The following CNTRL variants were observed in gnomAD, a reference collection of about 807,000 sequenced individuals.
CNTRL encodes 110 kDa centrosomal protein.
In CNTRL, 233 loss-of-function variants were observed where a neutral mutation model predicts 303.7. That is an observed-to-expected ratio of 0.77 (90% CI 0.69 to 0.86). CNTRL has a LOEUF of 0.86. Ranked by LOEUF, CNTRL falls within the 40% of genes least tolerant of loss-of-function variation. CNTRL has a pLI of 0.00. For synonymous variants in CNTRL, 900 were observed against 922.2 expected, an observed-to-expected ratio of 0.98 and a Z score of 0.44; for missense variants, 2,524 against 2,650.6, an observed-to-expected ratio of 0.95 and a Z score of 1.05.
In CNTRL at chr9:121,158,861, A is replaced by G. The variant is rs1386996632; in HGVS notation, c.4771A>G (p.Ser1591Gly). 1 of 1,613,936 alleles carries G rather than the reference A, an allele frequency of 6.2e-7. No individual in the cohort carries two copies. The highest frequency in any genetic ancestry group is 1.3e-5 in the African/African-American group (1 of 74,916). Reference protein sequence around the residue: ...ELEKLKSQVTSQQQEMAVLDR... With the variant: ...ELEKLKSQVTGQQQEMAVLDR... ...TCCCTTTTCTTTAATACAGGTGACA[A>G]GTCAGCAGCAGGAGATGGCTGTCTT... The change falls in exon 31 of 44, where the codon AGT becomes GGT. Residue 1591 changes from serine (S) to glycine (G), a missense_variant. Physicochemically the swap from Ser to Gly is moderately conservative, Grantham distance 56. Coordinates refer to ENST00000373855, the MANE Select transcript of CNTRL (RefSeq NM_007018.6).
rs2053139509 is a variant in CNTRL, at chr9:121,167,420, G to A, written c.5656-69G>A. On this transcript the variant is annotated intron_variant, in intron 36 of 43. Coordinates refer to ENST00000373855, the MANE Select transcript of CNTRL (RefSeq NM_007018.6). ...CGTTCTGTCAGACTTAGTAGATACT[G>A]GATTGGCACTGACCACCTCTAGTAA... is the stretch of plus-strand genomic sequence containing the variant. 3 of 1,277,756 alleles carry A rather than the reference G, an allele frequency of 2.3e-6. No homozygotes were observed. In the Admixed American group the frequency reaches 6.8e-5, roughly 29 times the overall value. The allele number at this position is 1,277,756 out of a possible 1,614,324, so 79.2% of individuals were successfully genotyped here.
chr9:121,105,006 G>A (rs966589044), intron 7 of CNTRL, among the ~76,000 whole-genome samples: 1 of 152,116 alleles, frequency 6.6e-6, no homozygotes, highest in Non-Finnish European at 1.5e-5. Context: ...CACCATGCCC[G>A]GCTGCCATTG....
At chr9:121,105,854 A>G (rs1020441005) in intron 7 of CNTRL, among the ~76,000 whole-genome samples, 2 of 152,188 alleles carry the variant, frequency 1.3e-5, no homozygotes, top group Non-Finnish European at 2.9e-5. Context: ...GGAGAGAGAC[A>G]TTTGGCTGGA....
chr9:121,142,418 G>A (rs1045885761), intron 19 of CNTRL, 148 bp downstream of exon 19: 46 of 543,316 alleles, frequency 8.5e-5, no homozygotes, highest in African/African-American at 8.3e-4. Context: ...GGTGGGACCT[G>A]GATGCATGTC....
chr9:121,108,081 A>T, intron 8 of CNTRL, 86 bp downstream of exon 8: 1 of 826,624 alleles, frequency 1.2e-6, no homozygotes, highest in Non-Finnish European at 1.8e-6. Flanking sequence ...CAACTTCCTG[A>T]CCATATAATG....
chr9:121,140,334 G>A (rs1284422035), intron 16 of CNTRL, among the ~76,000 whole-genome samples: 1 of 152,186 alleles, frequency 6.6e-6, no homozygotes, highest in Non-Finnish European at 1.5e-5. Context: ...CTATGGCCAG[G>A]ATTAGATAGT....
At chr9:121,101,170 T>C (rs1471649595) in intron 7 of CNTRL, among the ~76,000 whole-genome samples, 1 of 152,152 alleles carries the variant, frequency 6.6e-6, no homozygotes, top group Non-Finnish European at 1.5e-5. Flanking sequence ...CCTCAGCAAA[T>C]GTAAAAGAAC....
At chr9:121,120,088 C>T (rs1174619404) in intron 12 of CNTRL, among the ~76,000 whole-genome samples, 2 of 151,782 alleles carry the variant, frequency 1.3e-5, no homozygotes, top group Non-Finnish European at 2.9e-5. Flanking sequence ...ATATCTTCTA[C>T]ATATTCTCCT....
At chr9:121,078,374 C>T (rs2048011374) in intron 1 of CNTRL, among the ~76,000 whole-genome samples, 1 of 152,190 alleles carries the variant, frequency 6.6e-6, no homozygotes, top group Admixed American at 6.5e-5. Context: ...CACCACCGCA[C>T]TCCAGCCTGG....
intron 14 of CNTRL, among the ~76,000 whole-genome samples, chr9:121,132,774 C>T (rs2050942952): frequency 6.6e-6 from 1 of 152,186 alleles, no homozygotes; most frequent in Non-Finnish European, 1.5e-5. Flanking sequence ...GTGGTTTTAT[C>T]TACCTTTGGC....
At chr9:121,127,553 G>A (rs988181796) in intron 14 of CNTRL, among the ~76,000 whole-genome samples, 6 of 151,324 alleles carry the variant, frequency 4.0e-5, no homozygotes, top group Non-Finnish European at 7.4e-5. Context: ...GTTGCAAGAG[G>A]AATACAAATA....
At position 121,173,696 on chromosome 9, in the gene CNTRL, G is replaced by A. The variant is rs151059757; in HGVS notation, c.6706G>A (p.Ala2236Thr). 2.6e-5 allele frequency: 42 copies of A among 1,614,032 alleles called. No individual in the cohort carries two copies. The African/African-American group carries it at 5.3e-4, about 21-fold the overall frequency. Residue 2236 changes from alanine to threonine, a missense_variant, in exon 42 of 44, where the codon GCA becomes ACA. Coordinates refer to ENST00000373855, the MANE Select transcript of CNTRL (RefSeq NM_007018.6). ...AAAGGATGAACACTGGCGTGGAGAA[G>A]CACTCCGGGAGAAACTGCGTCACCG... ...HIMDEHWRGE[A>T]LREKLRHRED...
intron 7 of CNTRL, among the ~76,000 whole-genome samples, chr9:121,107,573 A>G (rs549264644): frequency 6.6e-6 from 1 of 152,344 alleles, no homozygotes; most frequent in South Asian, 2.1e-4. Context: ...TGGATTAAAT[A>G]CTTGGAAGTA....
chr9:121,077,005 G>A (rs569415261), intron 1 of CNTRL, among the ~76,000 whole-genome samples: 2 of 152,164 alleles, frequency 1.3e-5, no homozygotes, highest in African/African-American at 4.8e-5. Context: ...GAGAAGATGG[G>A]AAGTTAGGAA....
intron 30 of CNTRL, 36 bp downstream of exon 30, chr9:121,158,145 C>G: frequency 1.2e-6 from 2 of 1,607,450 alleles, no homozygotes; most frequent in Non-Finnish European, 1.7e-6. Flanking sequence ...ACAACTGACA[C>G]AGCACTTTAT....
chr9:121,130,421 G>T (rs905845034), intron 14 of CNTRL, among the ~76,000 whole-genome samples: 1 of 152,136 alleles, frequency 6.6e-6, no homozygotes, highest in Non-Finnish European at 1.5e-5. Flanking sequence ...TTTGCATAAA[G>T]GTGTTTATAG....
At chr9:121,081,986 T>C (rs1239201607) in intron 2 of CNTRL, among the ~76,000 whole-genome samples, 1 of 152,250 alleles carries the variant, frequency 6.6e-6, no homozygotes, top group Non-Finnish European at 1.5e-5. Flanking sequence ...GTCATCTTAT[T>C]AGTAAACGAA....
chr9:121,124,006 A>G lies in CNTRL; in HGVS notation c.1726A>G (p.Ser576Gly). ...IMNKQYQQLE[S>G]RLDEILSRIA... ...GAACAAGCAGTACCAACAACTTGAA[A>G]GTCGTTTGGATGAGATACTTTCTAG... is the stretch of plus-strand genomic sequence containing the variant. Residue 576 changes from serine to glycine, a missense_variant, in exon 13 of 44, where the codon AGT (serine) becomes GGT (glycine). Physicochemically the swap from Ser to Gly is moderately conservative, Grantham distance 56 (BLOSUM62 0). Coordinates refer to ENST00000373855, the MANE Select transcript of CNTRL (RefSeq NM_007018.6). The G allele has an allele frequency of 6.2e-7, 1 of 1,613,462 alleles. No homozygotes were observed.
intron 4 of CNTRL, among the ~76,000 whole-genome samples, chr9:121,091,884 CTTTTTTTTTTTTT>C (rs148922615): frequency 1.3e-5 from 1 of 74,970 alleles, no homozygotes; most frequent in South Asian, 4.8e-4. Context: ...GAGGTCTTCT[CTTTTTTTTTTTTT>C]TTTTTTTTTG....
Sources: gnomAD v4.1 joint callset for allele counts (sites outside exome capture counted in the v4.1 genomes callset) on GRCh38, gnomAD v4.1.1 for gene constraint, MANE v1.5 for transcripts, NCBI Gene and HGNC (gene_info 2026-07-23, HGNC 2026-07-21) for gene names.